EFR3B: variants seen among roughly 807,000 people sequenced by gnomAD.
The protein encoded by EFR3B is protein EFR3 homolog B.
In EFR3B, 64 loss-of-function variants were observed where a neutral mutation model predicts 104.7. The ratio of observed to expected loss-of-function variants is 0.61; its 90% CI spans 0.50 to 0.75. The LOEUF is 0.75. EFR3B is among the 30% of genes least tolerant of loss of function. The pLI is 0.00. For missense variants in EFR3B, 750 were observed against 1,078.5 expected (o/e 0.70, Z 4.27); for synonymous variants, 385 against 417.9 (o/e 0.92, Z 0.96).
At chr2:25,053,096 CTG>C (rs1439173282) in intron 1 of EFR3B, among the ~76,000 whole-genome samples, 2 of 152,220 alleles carry the variant, frequency 1.3e-5, no homozygotes, top group African/African-American at 2.4e-5. Context: ...GGTCTTTCCT[CTG>C]TGGAGCTCAC....
Position 25,131,899 on chromosome 2 carries a change from A to T in EFR3B, c.1135A>T (p.Ile379Phe). Residue 379 changes from isoleucine (I) to phenylalanine (F), a missense_variant, in exon 10 of 23, where the codon ATC (isoleucine) becomes TTC (phenylalanine). Ile to Phe is a conservative substitution (Grantham distance 21). Coordinates refer to ENST00000403714, the MANE Select transcript of EFR3B (RefSeq NM_014971.2). The surrounding 1 kb of genome is among the most constrained non-coding windows in gnomAD (Gnocchi z 7.6). ...HEERMFQEAVIKTVGSFASTL... is the reference protein window; with the variant it reads ...HEERMFQEAVFKTVGSFASTL... The stretch of plus-strand genomic sequence containing the variant: ...GGAGCGCATGTTCCAGGAGGCCGTC[A>T]TCAAGACCGTGGGTGCGGCGCGGGG... The T allele has an allele frequency of 6.5e-7, 1 of 1,529,130 alleles. No homozygotes were observed. 94.7% of individuals were successfully genotyped at this position (1,529,130 alleles called of 1,614,324 possible). A position where few individuals can be genotyped will look rare whatever the true frequency, so the allele number is the denominator to read the frequency against.
At chr2:25,071,279 GAGAC>G (rs1256645301) in intron 1 of EFR3B, among the ~76,000 whole-genome samples, 7 of 108,962 alleles carry the variant, frequency 6.4e-5, no homozygotes, top group African/African-American at 2.5e-4. Flanking sequence ...TTTTTTTTCT[GAGAC>G]AGAGTCTCGC....
Position 25,136,452 on chromosome 2 carries a change from C to T in EFR3B, c.1485-71C>T, listed in dbSNP as rs1361698228. The T allele has an allele frequency of 7.8e-6, 10 of 1,280,724 alleles. No homozygotes were observed. Among genetic ancestry groups the T allele is most frequent in the South Asian group, 1.3e-5 (1 of 77,462 alleles). The allele number at this position is 1,280,724 out of a possible 1,614,324, so 79.3% of individuals were successfully genotyped here. A position where few individuals can be genotyped will look rare whatever the true frequency, so the allele number is the denominator to read the frequency against. On this transcript the variant is annotated intron_variant, in intron 13 of 22. Coordinates refer to ENST00000403714, the MANE Select transcript of EFR3B (RefSeq NM_014971.2). This position sits in a 1 kb window ranked among gnomAD's most constrained non-coding sequence, Gnocchi z 4.0. ...CCAACTAACAATGTTGGGGATAAAG[C>T]TCAGTGACCCCGTGTGAGCTCAGGC... is the stretch of plus-strand genomic sequence containing the variant.
rs537692849 is a variant in EFR3B at position 25,099,596 on chromosome 2, A to G, written c.213-4041A>G. Among the ~76,000 whole-genome samples the G allele has an allele frequency of 2.6e-5, 4 of 151,940 alleles. No homozygotes were observed. In the East Asian group the frequency reaches 7.7e-4, roughly 29 times the overall value. ...AATTTCAGCATTTAAAGGCTGTTTA[A>G]TTTTCTGGTTGCTTGGTATAGAAGT... On this transcript the variant is annotated intron_variant, in intron 3 of 22. Transcript: ENST00000403714.
rs148152335 is a variant in EFR3B, at chr2:25,121,264, T to C, written c.364-409T>C. Among the ~76,000 whole-genome samples the C allele has an allele frequency of 2.6e-4, 40 of 152,324 alleles. No homozygotes were observed. In the East Asian group the frequency reaches 6.6e-3, roughly 25 times the overall value. ...TAAAGTCAAATTTCAGATTTGTTCT[T>C]GTGTCCTCGAATTCATTGAGGGTGG... On this transcript the variant is annotated intron_variant, in intron 4 of 22. Transcript: ENST00000403714.
At chr2:25,094,293 A>AAAAAAG (rs1669216394) in intron 3 of EFR3B, among the ~76,000 whole-genome samples, 1 of 151,256 alleles carries the variant, frequency 6.6e-6, no homozygotes, top group African/African-American at 2.4e-5. Flanking sequence ...AAAAAAAAAA[A>AAAAAAG]AAAAAAAAGA....
intron 16 of EFR3B, 118 bp from the exon 17 acceptor site, chr2:25,141,246 CTG>C: frequency 3.9e-6 from 4 of 1,026,970 alleles, no homozygotes; most frequent in East Asian, 5.6e-5. Context: ...GCTGAGGACA[CTG>C]TGCTGAGGAG....
intron 1 of EFR3B, among the ~76,000 whole-genome samples, chr2:25,059,572 C>CGGGGGGGGG (rs56219617): frequency 1.0e-4 from 6 of 60,250 alleles, no homozygotes; most frequent in Admixed American, 2.3e-4. Context: ...CCAGGGACTG[C>CGGGGGGGGG]GGGGGGGGGG....
chr2:25,081,435 T>C, intron 1 of EFR3B: 1 of 1,418,144 alleles, frequency 7.1e-7, no homozygotes, highest in Non-Finnish European at 9.9e-7. Context: ...TTTTGGCAAT[T>C]GCATAAGCTT....
intron 1 of EFR3B, among the ~76,000 whole-genome samples, chr2:25,045,360 T>A (rs1667686076): frequency 6.6e-6 from 1 of 152,254 alleles, no homozygotes; most frequent in Admixed American, 6.5e-5. Flanking sequence ...CACAGTTTTG[T>A]GTGGGAATCC....
chr2:25,073,716 C>T (rs1446813329), intron 1 of EFR3B, among the ~76,000 whole-genome samples: 1 of 152,150 alleles, frequency 6.6e-6, no homozygotes, highest in Non-Finnish European at 1.5e-5. Context: ...CTGCAAGGAG[C>T]TCCCAGGCAA....
intron 1 of EFR3B, among the ~76,000 whole-genome samples, chr2:25,065,509 A>G (rs1396479002): frequency 6.6e-6 from 1 of 152,008 alleles, no homozygotes; most frequent in Non-Finnish European, 1.5e-5. Flanking sequence ...AATATTTTAC[A>G]ATGCTCTTGA....
Position 25,143,763 on chromosome 2 carries a change from A to G in EFR3B, c.1951A>G (p.Ile651Val). ...RLSQNLDGVV[I>V]ELLFRQSKIS... is the part of the protein sequence containing the mutation. ...GTCTCAGAATCTTGATGGGGTGGTC[A>G]TTGAGCTCCTCTTCCGCCAGAGCAA... is the stretch of plus-strand genomic sequence containing the variant. Residue 651 changes from isoleucine to valine, a missense_variant, in exon 18 of 23, where the codon ATT (isoleucine) becomes GTT (valine). By Grantham distance (29) the Ile-to-Val change is conservative. Coordinates refer to ENST00000403714, the MANE Select transcript of EFR3B (RefSeq NM_014971.2). 1 of 1,551,566 alleles carries G rather than the reference A, an allele frequency of 6.4e-7. No homozygotes were observed. Among genetic ancestry groups the G allele is most frequent in the Non-Finnish European group, 8.7e-7 (1 of 1,146,962 alleles).
chr2:25,084,553 T>G (rs1429718336), intron 1 of EFR3B, among the ~76,000 whole-genome samples: 1 of 152,036 alleles, frequency 6.6e-6, no homozygotes, highest in East Asian at 1.9e-4. Flanking sequence ...TCAGTTAATT[T>G]AGAAAGTTTA....
At chr2:25,084,494 C>T (rs960399240) in intron 1 of EFR3B, among the ~76,000 whole-genome samples, 1 of 152,180 alleles carries the variant, frequency 6.6e-6, no homozygotes, top group Admixed American at 6.5e-5. Flanking sequence ...CTGTCTTGAC[C>T]TCCCAAAGTG....
intron 4 of EFR3B, among the ~76,000 whole-genome samples, chr2:25,104,457 T>G (rs1017764758): frequency 6.6e-6 from 1 of 152,352 alleles, no homozygotes; most frequent in African/African-American, 2.4e-5. Flanking sequence ...TAGCGTTAGA[T>G]TGATGATCTC....
At chr2:25,043,057 A>C (rs1474440350) in intron 1 of EFR3B, among the ~76,000 whole-genome samples, 1 of 152,132 alleles carries the variant, frequency 6.6e-6, no homozygotes, top group African/African-American at 2.4e-5. Context: ...TTTTGCAGGC[A>C]GTGTGGGTGA....
At chr2:25,056,061 G>A (rs1668011968) in intron 1 of EFR3B, among the ~76,000 whole-genome samples, 1 of 152,154 alleles carries the variant, frequency 6.6e-6, no homozygotes, top group African/African-American at 2.4e-5. Flanking sequence ...TACCTACATA[G>A]CAGCCGGTGT....
intron 5 of EFR3B, among the ~76,000 whole-genome samples, chr2:25,122,851 G>A (rs532374450): frequency 1.2e-4 from 19 of 152,090 alleles, no homozygotes; most frequent in Admixed American, 3.9e-4. Flanking sequence ...GGCAGGGTCC[G>A]TCGTTTTACT....
Sources: gnomAD v4.1 joint callset for allele counts (sites outside exome capture counted in the v4.1 genomes callset) on GRCh38, gnomAD v4.1.1 for gene constraint, Gnocchi (gnomAD v3.1) non-coding constraint, MANE v1.5 for transcripts, NCBI Gene and HGNC (gene_info 2026-07-23, HGNC 2026-07-21) for gene names.